PER2: variants seen among roughly 807,000 people sequenced by gnomAD.
PER2 encodes the protein period circadian regulator 2.
Under a neutral mutation model 121.0 loss-of-function variants are expected in PER2, and 66 were observed. That is an observed-to-expected ratio of 0.55 (90% confidence interval 0.45 to 0.67). PER2 has a LOEUF of 0.67. Ranked by LOEUF, PER2 falls within the 30% of genes least tolerant of loss-of-function variation. PER2 has a pLI of 0.00. For synonymous variants in PER2, 684 were observed against 659.9 expected (o/e 1.04, Z -0.56); for missense variants, 1,521 against 1,635.0 (o/e 0.93, Z 1.20).
In PER2 at chr2:238,271,362, CTG is replaced by C. The variant is rs1436577798; in HGVS notation, c.720_721del (p.His240GlnfsTer43). The C allele has an allele frequency of 3.1e-6, 5 of 1,614,256 alleles. No homozygotes were observed. In the Admixed American group the frequency reaches 6.7e-5, roughly 22 times the overall value. ...GGGAAGCTTGTACGGGGAGGTGAAA[CTG>C]TGGAACACGCCCACATCGTGAGGCG... On this transcript the variant is annotated frameshift_variant, in exon 6 of 23. Coordinates refer to ENST00000254657, the MANE Select transcript of PER2 (RefSeq NM_022817.3). LOFTEE classifies it high-confidence loss of function.
chr2:238,273,861 T>C (rs1395601581), intron 4 of PER2, among the ~76,000 whole-genome samples: 1 of 152,146 alleles, frequency 6.6e-6, no homozygotes, highest in Non-Finnish European at 1.5e-5. Flanking sequence ...AGAGATGGGG[T>C]TTCACCATGT....
intron 16 of PER2, 32 bp from the exon 17 acceptor site, chr2:238,257,118 T>G: frequency 1.2e-6 from 2 of 1,602,500 alleles, no homozygotes; most frequent in Non-Finnish European, 1.7e-6. Flanking sequence ...CAAACATTAG[T>G]GTGTCATTAC....
At chr2:238,277,019 G>T in intron 3 of PER2, 112 bp downstream of exon 3, 1 of 822,874 alleles carries the variant, frequency 1.2e-6, no homozygotes, top group South Asian at 1.3e-5. Context: ...CCACACAGAT[G>T]GGTTTTAGCA....
chr2:238,256,822 G>A (rs1051753660), intron 17 of PER2, 100 bp downstream of exon 17: 1 of 1,225,450 alleles, frequency 8.2e-7, no homozygotes, highest in Non-Finnish European at 1.2e-6. Flanking sequence ...TCGGGCTATG[G>A]TGGAGTTCTT....
Position 238,246,239 on chromosome 2 carries a change from G to GTT in PER2, c.*134_*135dup. On this transcript the variant is annotated 3_prime_UTR_variant, in exon 23 of 23. Coordinates refer to ENST00000254657, the MANE Select transcript of PER2 (RefSeq NM_022817.3). Reference sequence around the variant, plus strand: ...AGTCGCCCCTTCAGAAAACTATGTTGTTTTTTTTTCTAAAACAAAAAAAGC... The same window carrying GTT: ...AGTCGCCCCTTCAGAAAACTATGTTGTTTTTTTTTTTCTAAAACAAAAAAAGC... 2.8e-5 allele frequency: 16 copies of GTT among 563,110 alleles called. No homozygotes were observed. Among genetic ancestry groups the GTT allele is most frequent in the Middle Eastern group, 5.1e-4 (1 of 1,958 alleles). 34.9% of individuals were successfully genotyped at this position (563,110 alleles called of 1,614,324 possible). A position where few individuals can be genotyped will look rare whatever the true frequency, so the allele number is the denominator to read the frequency against.
chr2:238,277,208 A>C lies in PER2; in HGVS notation c.231-15T>G. The C allele has an allele frequency of 6.3e-7, 1 of 1,583,858 alleles. No individual in the cohort carries two copies. Among genetic ancestry groups the C allele is most frequent in the Non-Finnish European group, 8.7e-7 (1 of 1,152,426 alleles). ...AGGTATCTGGACTATGAAAACAAAA[A>C]ATAAAAGCAAAATTTAGACAATTGT... On this transcript the variant is annotated splice_polypyrimidine_tract_variant and intron_variant, in intron 2 of 22. Coordinates refer to ENST00000254657, the MANE Select transcript of PER2 (RefSeq NM_022817.3).
chr2:238,251,901 C>T (rs1190680952), intron 19 of PER2, 140 bp from the exon 20 acceptor site: 5 of 758,424 alleles, frequency 6.6e-6, no homozygotes, highest in South Asian at 3.0e-5. Flanking sequence ...CGGCCAGGGA[C>T]GGCCTAACGA....
chr2:238,257,285 G>A (rs974455347), intron 16 of PER2, among the ~76,000 whole-genome samples, 199 bp from the exon 17 acceptor site: 4 of 152,226 alleles, frequency 2.6e-5, no homozygotes, highest in African/African-American at 9.6e-5. Context: ...GTGGAAAAGA[G>A]AAAGTTCTGA....
chr2:238,270,850 A>G (rs1696262388), intron 6 of PER2, among the ~76,000 whole-genome samples: 1 of 152,210 alleles, frequency 6.6e-6, no homozygotes, highest in South Asian at 2.1e-4. Context: ...CAGGGATCTC[A>G]CAGTCTGTAT....
At chr2:238,279,711 T>C (rs912092655) in intron 1 of PER2, among the ~76,000 whole-genome samples, 2 of 152,212 alleles carry the variant, frequency 1.3e-5, no homozygotes, top group African/African-American at 4.8e-5. Context: ...CCCTTCCACC[T>C]CCTTCCCACC....
chr2:238,271,761 C>T (rs1291762723), intron 5 of PER2, among the ~76,000 whole-genome samples: 2 of 152,202 alleles, frequency 1.3e-5, no homozygotes, highest in Non-Finnish European at 2.9e-5. Context: ...ATCCAAAGGG[C>T]ATCAGCCTAA....
At chr2:238,255,976 A>G in intron 17 of PER2, 65 bp from the exon 18 acceptor site, 1 of 1,577,850 alleles carries the variant, frequency 6.3e-7, no homozygotes, top group South Asian at 1.1e-5. Flanking sequence ...AGGCCACACT[A>G]TATTCACGAA....
At chr2:238,290,337 CG>C (rs1305098396), upstream of PER2, among the ~76,000 whole-genome samples, 5 of 152,076 alleles carry the variant, frequency 3.3e-5, no homozygotes, top group African/African-American at 1.2e-4. Flanking sequence ...AACCCAGGCC[CG>C]GCTGCTGCGC....
intron 22 of PER2, among the ~76,000 whole-genome samples, chr2:238,247,735 C>T (rs1197462408): frequency 6.6e-6 from 1 of 152,114 alleles, no homozygotes; most frequent in Non-Finnish European, 1.5e-5. Flanking sequence ...GCCAAGGGGC[C>T]AGTGTAGCTG....
Position 238,245,324 on chromosome 2 carries a change from T to G in PER2, c.*1051A>C. 1 of 362,524 alleles carries G rather than the reference T, an allele frequency of 2.8e-6. No homozygotes were observed. 22.5% of individuals were successfully genotyped at this position (362,524 alleles called of 1,614,324 possible). A position where few individuals can be genotyped will look rare whatever the true frequency, so the allele number is the denominator to read the frequency against. ...GCTGCTCCGAGAGAGGTCGGGCTCATGAAAAGAATGAGGGCTGTGCACCCA... is the reference window on the plus strand; with the variant it reads ...GCTGCTCCGAGAGAGGTCGGGCTCAGGAAAAGAATGAGGGCTGTGCACCCA... On this transcript the variant is annotated 3_prime_UTR_variant, in exon 23 of 23. Coordinates refer to ENST00000254657, the MANE Select transcript of PER2 (RefSeq NM_022817.3).
In PER2 at chr2:238,256,953, A is replaced by C; in HGVS notation, c.2034T>G (p.His678Gln). Residue 678 changes from histidine (H) to glutamine (Q), a missense_variant, in exon 17 of 23, where the codon CAT becomes CAG. Transcript: ENST00000254657. ...SQCSYSSTIV[H>Q]VGDKKPQPEL... is the part of the protein sequence containing the mutation. ...CCGGCTGCGGCTTCTTGTCTCCCAC[A>C]TGGACGATGGTGCTGCTGTAGCTGC... 1 of 1,614,086 alleles carries C rather than the reference A, an allele frequency of 6.2e-7. No homozygotes were observed. The highest frequency in any genetic ancestry group is 8.5e-7 in the Non-Finnish European group (1 of 1,180,016).
At chr2:238,271,826 T>C (rs1696297343) in intron 5 of PER2, among the ~76,000 whole-genome samples, 1 of 151,008 alleles carries the variant, frequency 6.6e-6, no homozygotes, top group Admixed American at 6.6e-5. Context: ...CCAGAAACAT[T>C]CCAAACTCCT....
intron 14 of PER2, 49 bp from the exon 15 acceptor site, chr2:238,258,693 A>T: frequency 6.3e-7 from 1 of 1,585,556 alleles, no homozygotes; most frequent in African/African-American, 1.3e-5. Context: ...TCCCACAGAA[A>T]ACGCTGTGTA....
rs1197301183 is a variant in PER2 at position 238,253,588 on chromosome 2, C to A, written c.2435G>T (p.Gly812Val). 5.0e-6 allele frequency: 8 copies of A among 1,609,914 alleles called. No homozygotes were observed. The highest frequency in any genetic ancestry group is 6.8e-6 in the Non-Finnish European group (8 of 1,178,224). ...CCGGGCGGACACGGGCCCCCCAGATCCGGTGCTCTCAGATGAGTCTCGAGG... is the reference window on the plus strand; with the variant it reads ...CCGGGCGGACACGGGCCCCCCAGATACGGTGCTCTCAGATGAGTCTCGAGG... Reference protein sequence around the residue: ...VKPRDSSESTGSGGPVSARPP... With the variant: ...VKPRDSSESTVSGGPVSARPP... Residue 812 changes from glycine (G) to valine (V), a missense_variant, in exon 19 of 23, where the codon GGA (glycine) becomes GTA (valine). Coordinates refer to ENST00000254657, the MANE Select transcript of PER2 (RefSeq NM_022817.3). The surrounding 1 kb of genome is among the most constrained non-coding windows in gnomAD (Gnocchi z 5.6).
Sources: allele counts gnomAD v4.1 joint callset (sites outside exome capture counted in the v4.1 genomes callset), GRCh38; gene constraint gnomAD v4.1.1; non-coding constraint Gnocchi (gnomAD v3.1); transcripts MANE v1.5; gene names NCBI Gene and HGNC (gene_info 2026-07-23, HGNC 2026-07-21).